The following ABLIM2 variants were observed in gnomAD, a reference collection of about 807,000 sequenced individuals.
The protein encoded by ABLIM2 is actin-binding LIM protein 2.
A neutral mutation model predicts 97.7 loss-of-function variants in ABLIM2; 53 were observed. The ratio of observed to expected loss-of-function variants is 0.54; its 90% CI spans 0.44 to 0.68. ABLIM2 has a LOEUF of 0.68. ABLIM2 is among the 30% of genes least tolerant of loss of function. ABLIM2 has a pLI of 0.00. For missense variants in ABLIM2, 835 were observed against 867.2 expected, an observed-to-expected ratio of 0.96 and a Z score of 0.47; for synonymous variants, 361 against 345.8, an observed-to-expected ratio of 1.04 and a Z score of -0.49.
chr4:8,086,318 C>CTG (rs1366615394), intron 4 of ABLIM2, among the ~76,000 whole-genome samples: 1 of 144,708 alleles, frequency 6.9e-6, no homozygotes, highest in African/African-American at 2.5e-5. Context: ...GACAGTGATT[C>CTG]TGTGGTTGGT....
rs1454245192 is a variant in ABLIM2 at position 8,082,996 on chromosome 4, C to T, written c.455-2194G>A. On this transcript the variant is annotated intron_variant, in intron 4 of 20. Transcript: ENST00000447017. The surrounding 1 kb of genome is among the most constrained non-coding windows in gnomAD (Gnocchi z 5.6). ...CCAAGAGACATTTGGCAATGTCTGG[C>T]GACCCTTTTGATTGTCATAACTTGG... 2.6e-5 allele frequency among the ~76,000 whole-genome samples: 4 copies of T among 152,170 alleles called. No homozygotes were observed. Among genetic ancestry groups the T allele is most frequent in the Admixed American group, 2.6e-4 (4 of 15,268 alleles).
intron 6 of ABLIM2, among the ~76,000 whole-genome samples, chr4:8,074,202 C>T (rs1404167823): frequency 1.3e-5 from 2 of 151,820 alleles, no homozygotes; most frequent in African/African-American, 4.8e-5. Flanking sequence ...ACCCCTAATC[C>T]CAGCACTTTG....
rs1230202900 is a variant in ABLIM2, at chr4:8,061,413, G to A, written c.676-359C>T. ...AGAGGGAGCGGGAGGGACAGGAGGA[G>A]GAAGAAAAGGGGAGAGGGAGGGGAG... On this transcript the variant is annotated intron_variant, in intron 6 of 20. Coordinates refer to ENST00000447017, the MANE Select transcript of ABLIM2 (RefSeq NM_001130083.2). This position sits in a 1 kb window ranked among gnomAD's most constrained non-coding sequence, Gnocchi z 4.5. Among the ~76,000 whole-genome samples the A allele has an allele frequency of 6.6e-6, 1 of 152,144 alleles. No individual in the cohort carries two copies. Among genetic ancestry groups the A allele is most frequent in the Non-Finnish European group, 1.5e-5 (1 of 68,020 alleles).
chr4:8,008,488 G>C (rs1020639418), intron 15 of ABLIM2, among the ~76,000 whole-genome samples: 1 of 152,226 alleles, frequency 6.6e-6, no homozygotes, highest in South Asian at 2.1e-4. Flanking sequence ...GGCTCTGCAC[G>C]GGGAGAATGA....
chr4:8,020,701 T>C (rs913975132), intron 12 of ABLIM2: 4 of 245,466 alleles, frequency 1.6e-5, no homozygotes, highest in African/African-American at 6.8e-5. Context: ...ATAAACATGC[T>C]GTTTTCCTTG....
chr4:8,138,363 A>T (rs1850473904), intron 1 of ABLIM2, among the ~76,000 whole-genome samples: 2 of 152,242 alleles, frequency 1.3e-5, no homozygotes, highest in African/African-American at 4.8e-5. Flanking sequence ...AATAAAATTT[A>T]AAAATACAAA....
At chr4:8,110,605 G>A (rs1839827770) in intron 1 of ABLIM2, among the ~76,000 whole-genome samples, 1 of 151,584 alleles carries the variant, frequency 6.6e-6, no homozygotes, top group Admixed American at 6.6e-5. Context: ...CAAGAACACT[G>A]GCCTGACATC....
In ABLIM2 at chr4:8,085,303, A is replaced by G. The variant is rs886480065; in HGVS notation, c.454+2866T>C. Among the ~76,000 whole-genome samples, 1 of 151,956 alleles carries G rather than the reference A, an allele frequency of 6.6e-6. No individual in the cohort carries two copies. The highest frequency in any genetic ancestry group is 2.1e-4 in the South Asian group (1 of 4,816). ...CCAGGCAGACGGTGCTGCTTCCTACATTCTGGACTGACTTGACTCTACCCC... is the reference window on the plus strand; with the variant it reads ...CCAGGCAGACGGTGCTGCTTCCTACGTTCTGGACTGACTTGACTCTACCCC... On this transcript the variant is annotated intron_variant, in intron 4 of 20. Coordinates refer to ENST00000447017, the MANE Select transcript of ABLIM2 (RefSeq NM_001130083.2). This position sits in a 1 kb window ranked among gnomAD's most constrained non-coding sequence, Gnocchi z 6.1.
At chr4:8,028,459 T>A (rs1778838812) in intron 11 of ABLIM2, among the ~76,000 whole-genome samples, 1 of 152,206 alleles carries the variant, frequency 6.6e-6, no homozygotes, top group South Asian at 2.1e-4. Context: ...GCTCACTCAA[T>A]CACTCATTCA....
At chr4:8,081,439 T>G (rs1819752894) in intron 4 of ABLIM2, among the ~76,000 whole-genome samples, 1 of 152,180 alleles carries the variant, frequency 6.6e-6, no homozygotes, top group African/African-American at 2.4e-5. Flanking sequence ...GTTTTGGCCC[T>G]GCCCTGAGCC....
intron 2 of ABLIM2, among the ~76,000 whole-genome samples, chr4:8,100,749 G>GAAAAAAAAAAAAAAAA (rs57318831): frequency 1.0e-5 from 1 of 100,216 alleles, no homozygotes; most frequent in Non-Finnish European, 1.9e-5. Flanking sequence ...TCCATCTCAG[G>GAAAAAAAAAAAAAAAA]AAAAAAAAAA....
intron 2 of ABLIM2, among the ~76,000 whole-genome samples, chr4:8,100,572 C>T (rs529653883): frequency 1.3e-5 from 2 of 151,926 alleles, no homozygotes; most frequent in Non-Finnish European, 2.9e-5. Flanking sequence ...CATGGAGGAA[C>T]CTCGACTCCA....
intron 1 of ABLIM2, among the ~76,000 whole-genome samples, chr4:8,126,678 C>G (rs181192240): frequency 2.0e-5 from 3 of 152,188 alleles, no homozygotes; most frequent in Admixed American, 2.0e-4. Flanking sequence ...GGTGCTACTG[C>G]GTGGTGTCCT....
chr4:8,097,028 G>T, intron 3 of ABLIM2, 71 bp downstream of exon 3: 16 of 1,497,618 alleles, frequency 1.1e-5, no homozygotes, highest in Non-Finnish European at 1.3e-5. Context: ...AGGAAGAAGG[G>T]AAGGGAGGGA....
intron 10 of ABLIM2, among the ~76,000 whole-genome samples, chr4:8,030,434 C>T (rs1371255831): frequency 6.6e-6 from 1 of 152,196 alleles, no homozygotes; most frequent in Non-Finnish European, 1.5e-5. Flanking sequence ...ATGGCCCAGC[C>T]CAGTGTCCTG....
intron 1 of ABLIM2, among the ~76,000 whole-genome samples, chr4:8,137,120 A>C (rs922068266): frequency 6.6e-6 from 1 of 152,212 alleles, no homozygotes; most frequent in Non-Finnish European, 1.5e-5. Context: ...GTGAGAGTTC[A>C]ACGTCTGTCT....
At chr4:8,029,277 T>C (rs1779316202) in intron 11 of ABLIM2, among the ~76,000 whole-genome samples, 1 of 152,196 alleles carries the variant, frequency 6.6e-6, no homozygotes, top group Non-Finnish European at 1.5e-5. Flanking sequence ...CACATGAGCT[T>C]GCAGCCGGCC....
At chr4:8,114,849 G>A (rs1842135807) in intron 1 of ABLIM2, among the ~76,000 whole-genome samples, 5 of 152,242 alleles carry the variant, frequency 3.3e-5, no homozygotes, top group Admixed American at 3.3e-4. Flanking sequence ...AGAGCACACA[G>A]GAAGCTCATG....
At position 8,148,929 on chromosome 4, in the gene ABLIM2, G is replaced by A. The variant is rs1194637891; in HGVS notation, c.10+9751C>T. On this transcript the variant is annotated intron_variant, in intron 1 of 20. Transcript: ENST00000447017. This position sits in a 1 kb window ranked among gnomAD's most constrained non-coding sequence, Gnocchi z 6.7. ...GGGAGATCAGGCCACGCCAGGACCC[G>A]GGATCTGGAGGCACCAGGGAGAGTC... is the stretch of plus-strand genomic sequence containing the variant. 6.6e-6 allele frequency among the ~76,000 whole-genome samples: 1 copy of A among 152,202 alleles called. No individual in the cohort carries two copies. The highest frequency in any genetic ancestry group is 1.5e-5 in the Non-Finnish European group (1 of 68,028).
Sources: gnomAD v4.1 joint callset for allele counts (sites outside exome capture counted in the v4.1 genomes callset) on GRCh38, gnomAD v4.1.1 for gene constraint, Gnocchi (gnomAD v3.1) non-coding constraint, MANE v1.5 for transcripts, NCBI Gene and HGNC (gene_info 2026-07-23, HGNC 2026-07-21) for gene names.